JAKMIP3: variants seen among roughly 807,000 people sequenced by gnomAD.
The protein encoded by JAKMIP3 is Janus kinase and microtubule interacting protein 3.
A neutral mutation model predicts 118.5 loss-of-function variants in JAKMIP3; 58 were observed. The ratio of observed to expected loss-of-function variants is 0.49; its 90% CI spans 0.40 to 0.61. JAKMIP3 has a LOEUF of 0.61. Among genes scored for constraint, JAKMIP3 ranks in the 20% least tolerant of loss-of-function variants. The pLI is 0.00. For synonymous variants in JAKMIP3, 486 were observed against 451.2 expected, an observed-to-expected ratio of 1.08 and a Z score of -0.98; for missense variants, 950 against 1,109.0, an observed-to-expected ratio of 0.86 and a Z score of 2.04.
intron 1 of JAKMIP3, among the ~76,000 whole-genome samples, chr10:132,087,089 A>G (rs1462906108): frequency 6.6e-6 from 1 of 152,146 alleles, no homozygotes; most frequent in African/African-American, 2.4e-5. Context: ...ATTTGTCTGG[A>G]AAAGACTGTA....
chr10:132,155,371 G>A (rs970013601), intron 19 of JAKMIP3, among the ~76,000 whole-genome samples: 1 of 152,220 alleles, frequency 6.6e-6, no homozygotes, highest in African/African-American at 2.4e-5. Context: ...TCAGAATGAA[G>A]GCAGGAGTCG....
intron 11 of JAKMIP3, chr10:132,144,143 GC>G (rs5789119): frequency 0.21 from 31,837 of 151,970 alleles, 3,508 homozygotes; most frequent in East Asian, 0.31. Flanking sequence ...AGCCACTGTG[GC>G]CCCATGGTTC....
rs1038466357 is a variant in JAKMIP3 at position 132,112,636 on chromosome 10, G to A, written c.136-4441G>A. The stretch of plus-strand genomic sequence containing the variant: ...AAGAAGTCTCCTGCCTTCCCCTGGG[G>A]ACTGTCTGCTTATTACTGTGGGTAC... On this transcript the variant is annotated intron_variant, in intron 2 of 23. Coordinates refer to ENST00000684848, the MANE Select transcript of JAKMIP3 (RefSeq NM_001323087.2). This position sits in a 1 kb window ranked among gnomAD's most constrained non-coding sequence, Gnocchi z 4.3. 3.3e-5 allele frequency among the ~76,000 whole-genome samples: 5 copies of A among 152,192 alleles called. No homozygotes were observed. The highest frequency in any genetic ancestry group is 3.3e-4 in the Admixed American group (5 of 15,286).
intron 6 of JAKMIP3, 95 bp downstream of exon 6, chr10:132,136,171 G>A (rs2051727335): frequency 2.9e-6 from 4 of 1,374,142 alleles, no homozygotes; most frequent in African/African-American, 1.4e-5. Context: ...ATGACAGCCG[G>A]TCCCGGGCGG....
At position 132,180,644 on chromosome 10, in the gene JAKMIP3, T is replaced by TGC. The variant is rs1345712699; in HGVS notation, c.*1104-1711_*1104-1710dup. Among the ~76,000 whole-genome samples, 25 of 24,294 alleles carry TGC rather than the reference T, an allele frequency of 1.0e-3. 3 individuals are homozygous for TGC. The East Asian group carries it at 0.024, about 23-fold the overall frequency. The allele number at this position is 24,294 out of a possible 152,430, so 15.9% of individuals were successfully genotyped here. A position where few individuals can be genotyped will look rare whatever the true frequency, so the allele number is the denominator to read the frequency against. On this transcript the variant is annotated intron_variant, in intron 23 of 23. Transcript: ENST00000684848. Reference sequence around the variant, plus strand: ...GTGTGTGCGTGTGTGCGTGCGTGTGTGCGTGTGCGTGTGCGTGTGTGCGTG... The same window carrying TGC: ...GTGTGTGCGTGTGTGCGTGCGTGTGTGCGCGTGTGCGTGTGCGTGTGTGCGTG...
At chr10:132,140,947 G>A (rs1314633630) in intron 10 of JAKMIP3, among the ~76,000 whole-genome samples, 1 of 152,230 alleles carries the variant, frequency 6.6e-6, no homozygotes, top group Non-Finnish European at 1.5e-5. Context: ...CCACTCATCA[G>A]GGAGTTTGGT....
intron 11 of JAKMIP3, among the ~76,000 whole-genome samples, chr10:132,143,441 T>C (rs1254709241): frequency 6.6e-6 from 1 of 152,034 alleles, no homozygotes; most frequent in East Asian, 1.9e-4. Flanking sequence ...CATCCTGTCT[T>C]CCCTTTTTCC....
At chr10:132,172,296 G>A (rs2059568734) in intron 23 of JAKMIP3, among the ~76,000 whole-genome samples, 1 of 152,100 alleles carries the variant, frequency 6.6e-6, no homozygotes, top group Admixed American at 6.5e-5. Context: ...CCCGAGATGG[G>A]TGTGTTTCAT....
At chr10:132,116,999 C>T in intron 2 of JAKMIP3, 78 bp from the exon 3 acceptor site, 1 of 1,498,244 alleles carries the variant, frequency 6.7e-7, no homozygotes, top group South Asian at 1.3e-5. Flanking sequence ...CGTGGAAGCT[C>T]CCCCAAATGC....
chr10:132,109,964 C>A (rs1194250096), intron 2 of JAKMIP3, among the ~76,000 whole-genome samples: 5 of 152,176 alleles, frequency 3.3e-5, no homozygotes, highest in Non-Finnish European at 7.3e-5. Flanking sequence ...GTGTCCGTGC[C>A]AAAAGTAATA....
intron 19 of JAKMIP3, among the ~76,000 whole-genome samples, chr10:132,160,113 C>T (rs1187550859): frequency 8.0e-5 from 1 of 12,554 alleles, no homozygotes; most frequent in Non-Finnish European, 1.4e-4. Flanking sequence ...CAGGCGGTGG[C>T]CTCTTCCTGT....
chr10:132,085,324 A>G (rs2042250724), intron 1 of JAKMIP3, among the ~76,000 whole-genome samples: 1 of 152,164 alleles, frequency 6.6e-6, no homozygotes, highest in African/African-American at 2.4e-5. Context: ...GAATTTATCC[A>G]TCTCCGCTAG....
rs1478004757 is a variant in JAKMIP3, at chr10:132,105,808, G to A, written c.135+865G>A. On this transcript the variant is annotated intron_variant, in intron 2 of 23. Transcript: ENST00000684848. Reference sequence around the variant, plus strand: ...GTGGGCTTGGAAGGGCCTGGGTCACGCGTGGATGGTGTCCCCACTCCAGGC... The same window carrying A: ...GTGGGCTTGGAAGGGCCTGGGTCACACGTGGATGGTGTCCCCACTCCAGGC... 3.5e-5 allele frequency among the ~76,000 whole-genome samples: 5 copies of A among 144,508 alleles called. No homozygotes were observed. In the East Asian group the frequency reaches 6.4e-4, roughly 18 times the overall value. The allele number at this position is 144,508 out of a possible 152,430, so 94.8% of individuals were successfully genotyped here.
rs2060875612 is a variant in JAKMIP3, at chr10:132,180,614, T to TGCGTGCGC, written c.*1104-1738_*1104-1737insCGCGCGTG. Among the ~76,000 whole-genome samples, 2 of 31,032 alleles carry TGCGTGCGC rather than the reference T, an allele frequency of 6.4e-5. 1 individual carries two copies. The highest frequency in any genetic ancestry group is 1.1e-4 in the Non-Finnish European group (2 of 17,748). The allele number at this position is 31,032 out of a possible 152,430, so 20.4% of individuals were successfully genotyped here. On this transcript the variant is annotated intron_variant, in intron 23 of 23. Transcript: ENST00000684848. ...GTGTGTGTGCGTGCGCGTGTGTGTG[T>TGCGTGCGC]GCGTGTGTGTGCGTGTGTGCGTGCG...
intron 16 of JAKMIP3, among the ~76,000 whole-genome samples, chr10:132,152,191 C>T (rs1696973379): frequency 1.3e-5 from 2 of 152,098 alleles, no homozygotes; most frequent in Admixed American, 1.3e-4. Context: ...AGCCTGACTC[C>T]CCCCTGTGGG....
chr10:132,156,857 A>G (rs1352778419), intron 19 of JAKMIP3, among the ~76,000 whole-genome samples: 1 of 152,154 alleles, frequency 6.6e-6, no homozygotes, highest in Non-Finnish European at 1.5e-5. Flanking sequence ...AAGGACATGC[A>G]TTTCTTTTTT....
chr10:132,100,301 G>A (rs530209137), intron 1 of JAKMIP3, among the ~76,000 whole-genome samples: 69 of 152,298 alleles, frequency 4.5e-4, no homozygotes, highest in African/African-American at 1.6e-3. Flanking sequence ...ACGTGGGGCC[G>A]AGCCCTTGGC....
At chr10:132,085,697 C>T (rs1434620023) in intron 1 of JAKMIP3, among the ~76,000 whole-genome samples, 8 of 152,120 alleles carry the variant, frequency 5.3e-5, no homozygotes, top group East Asian at 1.9e-4. Context: ...GATGGGGTTT[C>T]ACCATATTGG....
At chr10:132,125,025 G>C (rs1402239866) in intron 3 of JAKMIP3, among the ~76,000 whole-genome samples, 5 of 152,208 alleles carry the variant, frequency 3.3e-5, no homozygotes, top group Admixed American at 2.6e-4. Context: ...CTCTCAGTTT[G>C]TGGCTGACCC....
Sources: gnomAD v4.1 joint callset for allele counts (sites outside exome capture counted in the v4.1 genomes callset) on GRCh38, gnomAD v4.1.1 for gene constraint, Gnocchi (gnomAD v3.1) non-coding constraint, MANE v1.5 for transcripts, NCBI Gene and HGNC (gene_info 2026-07-23, HGNC 2026-07-21) for gene names.